Variants in FANK1 observed in about 807,000 individuals in gnomAD.
FANK1 encodes fibronectin type 3 and ankyrin repeat domains protein 1.
FANK1 carries 44 observed loss-of-function variants against 45.3 expected under a neutral mutation model. The ratio of observed to expected loss-of-function variants is 0.97; its 90% CI spans 0.76 to 1.25. The LOEUF (loss-of-function observed/expected upper bound fraction) is 1.25. Among genes scored for constraint, FANK1 ranks in the 50% most tolerant of loss-of-function variants. The probability of loss-of-function intolerance (pLI) is 0.00; values close to 1 mark genes in which losing one functional copy is unlikely to be tolerated. For missense variants in FANK1, 391 were observed against 424.4 expected (o/e 0.92, Z 0.69); for synonymous variants, 149 against 152.5 (o/e 0.98, Z 0.17).
intron 1 of FANK1, among the ~76,000 whole-genome samples, chr10:125,925,333 T>C (rs968700794): frequency 2.0e-5 from 3 of 152,294 alleles, no homozygotes; most frequent in African/African-American, 7.2e-5. Context: ...CCTTCATTTA[T>C]GTATGCTTTC....
At chr10:125,950,126 TA>T (rs1949102310) in intron 1 of FANK1, among the ~76,000 whole-genome samples, 1 of 148,672 alleles carries the variant, frequency 6.7e-6, no homozygotes, top group Admixed American at 6.8e-5. Context: ...CAAGATGGAT[TA>T]AAGACTTAAA....
rs1329315949 is a variant in FANK1, at chr10:125,983,453, A to G, written c.191+3115A>G. ...CAAACAATAAATAAGATACATAAGT[A>G]AAAATAGGTAGTCAGCAGGCAATAC... On this transcript the variant is annotated intron_variant, in intron 2 of 10. Coordinates refer to ENST00000368693, the MANE Select transcript of FANK1 (RefSeq NM_145235.5). This position sits in a 1 kb window ranked among gnomAD's most constrained non-coding sequence, Gnocchi z 4.3. Among the ~76,000 whole-genome samples the G allele has an allele frequency of 1.3e-5, 2 of 152,228 alleles. No individual in the cohort carries two copies. The highest frequency in any genetic ancestry group is 2.9e-5 in the Non-Finnish European group (2 of 68,048).
rs149590271 is a variant in FANK1, at chr10:125,961,649, A to G, written c.14-18512A>G. Reference sequence around the variant, plus strand: ...GAAACCATAAAACTACTACAAGAAAACATAGGGGGAAGCCCTTCAGGACAT... The same window carrying G: ...GAAACCATAAAACTACTACAAGAAAGCATAGGGGGAAGCCCTTCAGGACAT... On this transcript the variant is annotated intron_variant, in intron 1 of 10. Coordinates refer to ENST00000368693, the MANE Select transcript of FANK1 (RefSeq NM_145235.5). Among the ~76,000 whole-genome samples, 248 of 152,338 alleles carry G rather than the reference A, an allele frequency of 1.6e-3. 2 individuals carry two copies. The East Asian group carries it at 0.02, about 13-fold the overall frequency.
chr10:125,958,931 A>G (rs961794981), intron 1 of FANK1, among the ~76,000 whole-genome samples: 1 of 152,196 alleles, frequency 6.6e-6, no homozygotes, highest in Non-Finnish European at 1.5e-5. Context: ...CTCTTTAAAG[A>G]TTATTGCAAA....
intron 1 of FANK1, among the ~76,000 whole-genome samples, chr10:125,977,778 G>T (rs1266298330): frequency 6.6e-6 from 1 of 152,176 alleles, no homozygotes; most frequent in Admixed American, 6.5e-5. Flanking sequence ...ATGCTGGGGA[G>T]AGTGGGTGTG....
intron 2 of FANK1, among the ~76,000 whole-genome samples, chr10:125,986,155 G>T (rs1159593811): frequency 6.6e-6 from 1 of 152,130 alleles, no homozygotes; most frequent in Non-Finnish European, 1.5e-5. Flanking sequence ...CTTCTTTTAG[G>T]TGAAGAGAAA....
chr10:125,975,153 A>G (rs577121993), intron 1 of FANK1, among the ~76,000 whole-genome samples: 5 of 152,166 alleles, frequency 3.3e-5, no homozygotes, highest in Non-Finnish European at 7.4e-5. Flanking sequence ...AGTTCCATCC[A>G]TGTTCCCGCA....
chr10:125,907,702 G>A (rs61873387), intron 1 of FANK1, among the ~76,000 whole-genome samples: 1 of 151,572 alleles, frequency 6.6e-6, no homozygotes, highest in Non-Finnish European at 1.5e-5. Flanking sequence ...TAGCATGCAC[G>A]CAAGATTCTC....
chr10:125,979,747 G>C, intron 1 of FANK1: 1 of 448,546 alleles, frequency 2.2e-6, no homozygotes, highest in South Asian at 1.6e-5. Context: ...ATACAGCATA[G>C]GTGTCAACCC....
At chr10:126,006,828 C>T (rs1399553638) in intron 7 of FANK1, among the ~76,000 whole-genome samples, 1 of 152,168 alleles carries the variant, frequency 6.6e-6, no homozygotes, top group Admixed American at 6.5e-5. Flanking sequence ...CCACTGCACT[C>T]CAGCCTGGGT....
intron 4 of FANK1, among the ~76,000 whole-genome samples, chr10:125,995,944 TA>T (rs1294001280): frequency 6.6e-6 from 1 of 152,254 alleles, no homozygotes; most frequent in Non-Finnish European, 1.5e-5. Flanking sequence ...TGTTTGAAGT[TA>T]CCTTCTACAT....
chr10:125,924,495 A>C (rs1489584145), intron 1 of FANK1, among the ~76,000 whole-genome samples: 1 of 151,706 alleles, frequency 6.6e-6, no homozygotes, highest in African/African-American at 2.4e-5. Flanking sequence ...CTCGTGATCC[A>C]CCTGCCTCGG....
At chr10:125,925,941 T>C (rs571023987) in intron 1 of FANK1, among the ~76,000 whole-genome samples, 54 of 144,186 alleles carry the variant, frequency 3.7e-4, no homozygotes, top group African/African-American at 1.2e-3. Context: ...TTATGTTTCT[T>C]TTTTTCCTTT....
intron 1 of FANK1, among the ~76,000 whole-genome samples, chr10:125,913,240 A>G (rs909805017): frequency 1.3e-5 from 2 of 152,086 alleles, no homozygotes; most frequent in Non-Finnish European, 2.9e-5. Context: ...TTGCACCTAC[A>G]TTTTGCTTGT....
At chr10:125,956,676 A>T (rs1279837722) in intron 1 of FANK1, among the ~76,000 whole-genome samples, 1 of 152,198 alleles carries the variant, frequency 6.6e-6, no homozygotes, top group Non-Finnish European at 1.5e-5. Context: ...TAAGAGTTAG[A>T]TCATTGTGTG....
intron 1 of FANK1, among the ~76,000 whole-genome samples, chr10:125,923,975 G>A (rs1220828137): frequency 1.3e-5 from 2 of 152,292 alleles, no homozygotes; most frequent in East Asian, 1.9e-4. Flanking sequence ...TTTTAGCAGG[G>A]CATGGTGGCT....
intron 3 of FANK1, chr10:125,989,389 C>T (rs1489865426): frequency 1.9e-6 from 3 of 1,539,538 alleles, no homozygotes; most frequent in Non-Finnish European, 2.6e-6. Context: ...CAAAGGAAAC[C>T]TTCCTTTTGT....
At chr10:125,986,133 C>G (rs1951544226) in intron 2 of FANK1, among the ~76,000 whole-genome samples, 1 of 152,160 alleles carries the variant, frequency 6.6e-6, no homozygotes, top group Non-Finnish European at 1.5e-5. Context: ...GCTTGACTTC[C>G]AGCTCATTTG....
intron 1 of FANK1, among the ~76,000 whole-genome samples, chr10:125,942,826 T>A (rs1441674487): frequency 1.3e-5 from 2 of 150,710 alleles, no homozygotes; most frequent in Non-Finnish European, 3.0e-5. Context: ...TTTTTTTTTT[T>A]TTTTTGAAAT....
Sources: allele counts gnomAD v4.1 joint callset (sites outside exome capture counted in the v4.1 genomes callset), GRCh38; gene constraint gnomAD v4.1.1; non-coding constraint Gnocchi (gnomAD v3.1); transcripts MANE v1.5; gene names NCBI Gene and HGNC (gene_info 2026-07-23, HGNC 2026-07-21).